DCST2: variants seen among roughly 807,000 people sequenced by gnomAD.
DCST2 encodes the protein DC-STAMP domain containing 2, also known as DC-STAMP domain-containing protein 2.
Under a neutral mutation model 81.8 loss-of-function variants are expected in DCST2, and 64 were observed. The ratio of observed to expected loss-of-function variants is 0.78; its 90% CI spans 0.64 to 0.96. The LOEUF is 0.96. DCST2 is among the 40% of genes least tolerant of loss of function. The probability of loss-of-function intolerance (pLI) is 0.00; values close to 1 mark genes in which losing one functional copy is unlikely to be tolerated. For missense variants in DCST2, 945 were observed against 1,001.4 expected (o/e 0.94, Z 0.76); for synonymous variants, 354 against 402.6 (o/e 0.88, Z 1.44).
chr1:155,018,896 C>T (rs940491897), intron 14 of DCST2, 136 bp from the exon 15 acceptor site: 32 of 835,222 alleles, frequency 3.8e-5, no homozygotes, highest in Non-Finnish European at 4.8e-5. Flanking sequence ...CTCAGGCCCA[C>T]GAGGCGTACC....
chr1:155,033,356 C>G, intron 1 of DCST2, 78 bp downstream of exon 1: 1 of 1,587,730 alleles, frequency 6.3e-7, no homozygotes, highest in Non-Finnish European at 8.6e-7. Context: ...TCCCTTAACC[C>G]CTGCCTCTCC....
At position 155,026,305 on chromosome 1, in the gene DCST2, C is replaced by T. The variant is rs1177463983; in HGVS notation, c.1608G>A (p.Glu536=). The part of the protein sequence containing the change: ...VICASYYPSR[E]QERISYLYNV... Reference sequence around the variant, plus strand: ...CTCCCAGCCCCGGACCCCTCACCTGCTCCCGGGATGGGTAGTAGGAGGCAC... The same window carrying T: ...CTCCCAGCCCCGGACCCCTCACCTGTTCCCGGGATGGGTAGTAGGAGGCAC... The change falls in exon 10 of 15, where the codon GAG becomes GAA. Residue 536 remains glutamate, a synonymous_variant. Coordinates refer to ENST00000368424, the MANE Select transcript of DCST2 (RefSeq NM_144622.3). 2 of 1,613,696 alleles carry T rather than the reference C, an allele frequency of 1.2e-6. No homozygotes were observed. The highest frequency in any genetic ancestry group is 2.7e-5 in the African/African-American group (2 of 75,034).
At chr1:155,031,476 T>A (rs953789237) in intron 4 of DCST2, 98 bp downstream of exon 4, 1 of 1,133,602 alleles carries the variant, frequency 8.8e-7, no homozygotes, top group Non-Finnish European at 1.2e-6. Context: ...TGCCCTCTAA[T>A]CGTCCTCCTG....
intron 7 of DCST2, 55 bp from the exon 8 acceptor site, chr1:155,029,452 AT>A: frequency 6.3e-7 from 1 of 1,581,148 alleles, no homozygotes; most frequent in Non-Finnish European, 8.6e-7. Flanking sequence ...CGTCCACCAG[AT>A]CCCAGTTCTT....
At position 155,031,210 on chromosome 1, in the gene DCST2, G is replaced by T; in HGVS notation, c.764C>A (p.Pro255His). ...ASLVQVFCVI[P>H]KYIQPFLRQT... is the part of the protein sequence containing the mutation. ...GCGCAAGAAGGGTTGAATGTACTTA[G>T]GGATGACGCAGAACACCTGGACCAC... Residue 255 changes from proline to histidine, a missense_variant, in exon 5 of 15, where the codon CCT becomes CAT. Coordinates refer to ENST00000368424, the MANE Select transcript of DCST2 (RefSeq NM_144622.3). 6.3e-7 allele frequency: 1 copy of T among 1,590,088 alleles called. No homozygotes were observed. The highest frequency in any genetic ancestry group is 1.7e-4 in the Middle Eastern group (1 of 5,966).
In DCST2 at chr1:155,030,485, G is replaced by A. The variant is rs752700260; in HGVS notation, c.966C>T (p.Ala322=). 1.9e-6 allele frequency: 3 copies of A among 1,613,928 alleles called. No homozygotes were observed. The highest frequency in any genetic ancestry group is 2.5e-6 in the Non-Finnish European group (3 of 1,180,010). Residue 322 remains alanine, a synonymous_variant, in exon 6 of 15, where the codon GCC becomes GCT. Transcript: ENST00000368424. ...GCGTGGTGAAGCCCATCAGAGCCAG[G>A]GCCTCTCGGACACGGTGCAGCTTCA... The part of the protein sequence containing the change: ...VSMKLHRVRE[A]LALMGFTTPL...
In DCST2 at chr1:155,033,168, G is replaced by A. The variant is rs1289885935; in HGVS notation, c.365C>T (p.Ala122Val). The A allele has an allele frequency of 6.2e-7, 1 of 1,612,248 alleles. No homozygotes were observed. Among genetic ancestry groups the A allele is most frequent in the Admixed American group, 1.7e-5 (1 of 59,766 alleles). ...GGCCAGCTCTGCCCCACAGGCTACA[G>A]CCTCGCTGGCCCGGGTGAAGTTGCG... ...TLRNFTRASE[A>V]VACGAELALN... The change falls in exon 2 of 15, where the codon GCT becomes GTT. Residue 122 changes from alanine to valine, a missense_variant. By Grantham distance (64) the Ala-to-Val change is moderately conservative. Transcript: ENST00000368424.
Position 155,030,326 on chromosome 1 carries a change from CT to C in DCST2, c.1020-86del, listed in dbSNP as rs1660036355. On this transcript the variant is annotated intron_variant, in intron 6 of 14. Transcript: ENST00000368424. ...GGGCATCCGCGCTTCAACCCCACAA[CT>C]TCAACCTCCCTGGATGCTGGGGCAG... The C allele has an allele frequency of 1.0e-5, 16 of 1,599,000 alleles. No individual in the cohort carries two copies. In the South Asian group the frequency reaches 1.8e-4, roughly 18 times the overall value.
At chr1:155,026,904 T>C in intron 8 of DCST2, 189 bp from the exon 9 acceptor site, 1 of 643,762 alleles carries the variant, frequency 1.6e-6, no homozygotes, top group Non-Finnish European at 2.7e-6. Context: ...CTCCTAGGAC[T>C]GGCCCCATGG....
intron 6 of DCST2, 26 bp downstream of exon 6, chr1:155,030,406 C>T (rs770541743): frequency 1.6e-5 from 25 of 1,609,526 alleles, no homozygotes; most frequent in Middle Eastern, 1.9e-4. Flanking sequence ...GCCCTGCATC[C>T]CCCACGCTGC....
intron 10 of DCST2, 54 bp downstream of exon 10, chr1:155,026,248 G>A: frequency 6.3e-7 from 1 of 1,582,714 alleles, no homozygotes; most frequent in Non-Finnish European, 8.6e-7. Flanking sequence ...CCAGCCACTA[G>A]CTAAGCCCCC....
At chr1:155,031,128 C>A in intron 5 of DCST2, 41 bp downstream of exon 5, 2 of 1,573,414 alleles carry the variant, frequency 1.3e-6, no homozygotes, top group Non-Finnish European at 1.7e-6. Context: ...GGGAGGGAGA[C>A]CACTAGGGAG....
At chr1:155,020,192 AC>A (rs1425003942) in intron 14 of DCST2, among the ~76,000 whole-genome samples, 3 of 152,006 alleles carry the variant, frequency 2.0e-5, no homozygotes, top group Middle Eastern at 3.4e-3. Flanking sequence ...GATCTAGAAA[AC>A]CCTTTTAGTG....
At chr1:155,032,062 C>T (rs1190383735) in intron 3 of DCST2, among the ~76,000 whole-genome samples, 2 of 152,124 alleles carry the variant, frequency 1.3e-5, no homozygotes, top group South Asian at 2.1e-4. Flanking sequence ...GGAGTGATCT[C>T]GGCTCATTGC....
intron 5 of DCST2, 86 bp from the exon 6 acceptor site, chr1:155,030,731 C>A: frequency 6.9e-7 from 1 of 1,448,564 alleles, no homozygotes; most frequent in Non-Finnish European, 9.5e-7. Context: ...TGGCACAGCC[C>A]AGGGGGCGCA....
At position 155,023,821 on chromosome 1, in the gene DCST2, G is replaced by C. The variant is rs778220060; in HGVS notation, c.1870+11C>G. On this transcript the variant is annotated intron_variant, in intron 12 of 14. Transcript: ENST00000368424. ...CGAGCAGGGAGAGGCACACGCCCCAGGGGGTCTCACCTTGGCAGCCGGGGG... is the reference window on the plus strand; with the variant it reads ...CGAGCAGGGAGAGGCACACGCCCCACGGGGTCTCACCTTGGCAGCCGGGGG... The C allele has an allele frequency of 6.2e-7, 1 of 1,613,086 alleles. No individual in the cohort carries two copies. Among genetic ancestry groups the C allele is most frequent in the South Asian group, 1.1e-5 (1 of 90,834 alleles).
chr1:155,019,043 C>T (rs1474571342), intron 14 of DCST2, among the ~76,000 whole-genome samples: 1 of 152,198 alleles, frequency 6.6e-6, no homozygotes, highest in Non-Finnish European at 1.5e-5. Flanking sequence ...CTCAAGCTGT[C>T]CCCTCTGCTG....
At chr1:155,028,426 A>G (rs1659972701) in intron 8 of DCST2, among the ~76,000 whole-genome samples, 1 of 152,148 alleles carries the variant, frequency 6.6e-6, no homozygotes, top group Non-Finnish European at 1.5e-5. Flanking sequence ...CCCCGTCTCA[A>G]CTAAAAATAC....
chr1:155,025,296 A>G (rs1382739115), intron 10 of DCST2, among the ~76,000 whole-genome samples: 1 of 152,150 alleles, frequency 6.6e-6, no homozygotes. Context: ...TTAGTAAATG[A>G]GTAAACCGAT....
Sources: gnomAD v4.1 joint callset for allele counts (sites outside exome capture counted in the v4.1 genomes callset) on GRCh38, gnomAD v4.1.1 for gene constraint, MANE v1.5 for transcripts, NCBI Gene and HGNC (gene_info 2026-07-23, HGNC 2026-07-21) for gene names.